The following ACTR3 variants were observed in gnomAD, a reference collection of about 807,000 sequenced individuals.
ACTR3 encodes actin related protein 3, also known as actin-related protein 3.
In ACTR3, 12 loss-of-function variants were observed where a neutral mutation model predicts 56.8. The ratio of observed to expected loss-of-function variants is 0.21; its 90% CI spans 0.14 to 0.34. ACTR3 has a LOEUF of 0.34. Ranked by LOEUF, ACTR3 falls within the 10% of genes least tolerant of loss-of-function variation. The pLI, the probability that ACTR3 is intolerant of heterozygous loss-of-function variation, is 1.00. For synonymous variants in ACTR3, 162 were observed against 167.4 expected, an observed-to-expected ratio of 0.97 and a Z score of 0.25; for missense variants, 282 against 512.5, an observed-to-expected ratio of 0.55 and a Z score of 4.34.
intron 8 of ACTR3, 86 bp downstream of exon 8, chr2:113,942,445 T>C: frequency 2.3e-6 from 2 of 866,142 alleles, no homozygotes; most frequent in Non-Finnish European, 3.2e-6. Flanking sequence ...TCTCAGAAAC[T>C]TTTATTAGTA....
rs1391096093 is a variant in ACTR3 at position 113,960,520 on chromosome 2, A to G, written c.*3065A>G. The stretch of plus-strand genomic sequence containing the variant: ...GAATATATCTATAGAAACTTCTTTC[A>G]GATAACCCTAAAGATGATACTAGAA... On this transcript the variant is annotated 3_prime_UTR_variant, in exon 12 of 12. Coordinates refer to ENST00000263238, the MANE Select transcript of ACTR3 (RefSeq NM_005721.5). The G allele has an allele frequency of 6.6e-6, 1 of 152,052 alleles. No homozygotes were observed. Among genetic ancestry groups the G allele is most frequent in the South Asian group, 2.1e-4 (1 of 4,832 alleles). 9.4% of individuals were successfully genotyped at this position (152,052 alleles called of 1,614,324 possible). A position where few individuals can be genotyped will look rare whatever the true frequency, so the allele number is the denominator to read the frequency against.
At chr2:113,913,752 A>G (rs1227926261) in intron 2 of ACTR3, among the ~76,000 whole-genome samples, 2 of 152,198 alleles carry the variant, frequency 1.3e-5, no homozygotes, top group South Asian at 2.1e-4. Context: ...GTATGTCTTT[A>G]GAGTATTTTT....
chr2:113,895,547 C>T (rs182670727), intron 1 of ACTR3, among the ~76,000 whole-genome samples: 2 of 152,334 alleles, frequency 1.3e-5, no homozygotes, highest in East Asian at 3.9e-4. Context: ...TATTCATTTA[C>T]ATAGGCTTCC....
At chr2:113,911,419 CTTTTT>C (rs34495665) in intron 1 of ACTR3, among the ~76,000 whole-genome samples, 2 of 117,848 alleles carry the variant, frequency 1.7e-5, no homozygotes, top group Admixed American at 1.8e-4. Context: ...ATTTGGCACA[CTTTTT>C]TTTTTTTTTT....
At chr2:113,931,499 CATA>C in intron 5 of ACTR3, 103 bp downstream of exon 5, 1 of 608,096 alleles carries the variant, frequency 1.6e-6, no homozygotes, top group Non-Finnish European at 2.7e-6. Flanking sequence ...AAGGTTTAAA[CATA>C]ATGTCAAAGC....
intron 10 of ACTR3, 135 bp downstream of exon 10, chr2:113,951,980 T>C: frequency 2.7e-6 from 3 of 1,096,332 alleles, no homozygotes; most frequent in Non-Finnish European, 2.6e-6. Context: ...ATGGTTAATG[T>C]TATAGATTTA....
chr2:113,950,856 TC>T (rs1447227423), intron 8 of ACTR3: 1 of 152,776 alleles, frequency 6.5e-6, no homozygotes, highest in African/African-American at 2.4e-5. Flanking sequence ...GACTTATGGT[TC>T]CACGTGGCTG....
At chr2:113,895,377 G>A (rs770734857) in intron 1 of ACTR3, among the ~76,000 whole-genome samples, 6 of 152,106 alleles carry the variant, frequency 3.9e-5, no homozygotes, top group African/African-American at 9.7e-5. Flanking sequence ...TCTTCCTTCC[G>A]TAGAAGATGA....
At chr2:113,915,401 C>G (rs530744753) in intron 2 of ACTR3, among the ~76,000 whole-genome samples, 15 of 152,162 alleles carry the variant, frequency 9.9e-5, no homozygotes, top group Non-Finnish European at 1.9e-4. Flanking sequence ...TATGAGGACA[C>G]TAGTCATATT....
chr2:113,933,117 T>G (rs1469095759), intron 5 of ACTR3, among the ~76,000 whole-genome samples: 1 of 152,240 alleles, frequency 6.6e-6, no homozygotes, highest in Non-Finnish European at 1.5e-5. Flanking sequence ...TAGAAAAATT[T>G]TATCAACGTT....
intron 1 of ACTR3, among the ~76,000 whole-genome samples, chr2:113,893,523 A>C (rs929369048): frequency 5.9e-5 from 9 of 151,992 alleles, no homozygotes; most frequent in African/African-American, 2.2e-4. Context: ...CCATCTCCTG[A>C]CCTCGTGATC....
intron 10 of ACTR3, chr2:113,953,950 T>G (rs1330839364): frequency 6.6e-6 from 1 of 152,240 alleles, no homozygotes; most frequent in East Asian, 1.9e-4. Flanking sequence ...ATTGTGTTGC[T>G]TCAGTCTGTT....
At chr2:113,951,953 C>T in intron 10 of ACTR3, 108 bp downstream of exon 10, 1 of 1,385,160 alleles carries the variant, frequency 7.2e-7, no homozygotes, top group African/African-American at 1.5e-5. Context: ...AGGAACCTGT[C>T]AGGTATTCTA....
chr2:113,921,567 C>T (rs796385945), intron 3 of ACTR3, among the ~76,000 whole-genome samples: 14 of 152,102 alleles, frequency 9.2e-5, no homozygotes, highest in African/African-American at 3.4e-4. Context: ...TGAGAGGTTT[C>T]CCCTAAGTTT....
chr2:113,908,280 C>A (rs1477948822), intron 1 of ACTR3, among the ~76,000 whole-genome samples: 1 of 146,600 alleles, frequency 6.8e-6, no homozygotes, highest in Non-Finnish European at 1.5e-5. Context: ...AAAGAAAAAG[C>A]GAGAGAAACT....
intron 8 of ACTR3, chr2:113,950,790 T>A (rs1189079297): frequency 6.6e-6 from 1 of 151,482 alleles, no homozygotes; most frequent in Non-Finnish European, 1.5e-5. Context: ...GTTTTCATAC[T>A]GCTAATAAAG....
intron 8 of ACTR3, among the ~76,000 whole-genome samples, chr2:113,944,684 C>G (rs1679985939): frequency 6.6e-6 from 1 of 151,076 alleles, no homozygotes; most frequent in Non-Finnish European, 1.5e-5. Flanking sequence ...ATGGCGTGAA[C>G]CCAGGAGGTG....
At chr2:113,901,049 G>T (rs1679089812) in intron 1 of ACTR3, among the ~76,000 whole-genome samples, 1 of 152,244 alleles carries the variant, frequency 6.6e-6, no homozygotes, top group Non-Finnish European at 1.5e-5. Context: ...GCTGGGCACG[G>T]TGGCTCATGC....
rs1441296013 is a variant in ACTR3, at chr2:113,962,091, A to G, written c.*4636A>G. ...AAATAAAACTTTGAATTACATGAGTATACAACTTTTGTTCCTTCAAAATAC... is the reference window on the plus strand; with the variant it reads ...AAATAAAACTTTGAATTACATGAGTGTACAACTTTTGTTCCTTCAAAATAC... On this transcript the variant is annotated 3_prime_UTR_variant, in exon 12 of 12. Coordinates refer to ENST00000263238, the MANE Select transcript of ACTR3 (RefSeq NM_005721.5). 4 of 152,152 alleles carry G rather than the reference A, an allele frequency of 2.6e-5. No homozygotes were observed. Among genetic ancestry groups the G allele is most frequent in the African/African-American group, 7.2e-5 (3 of 41,560 alleles). 9.4% of individuals were successfully genotyped at this position (152,152 alleles called of 1,614,324 possible). A position where few individuals can be genotyped will look rare whatever the true frequency, so the allele number is the denominator to read the frequency against.
Sources: gnomAD v4.1 joint callset for allele counts (sites outside exome capture counted in the v4.1 genomes callset) on GRCh38, gnomAD v4.1.1 for gene constraint, MANE v1.5 for transcripts, NCBI Gene and HGNC (gene_info 2026-07-23, HGNC 2026-07-21) for gene names.